The following FAM81B variants were observed in gnomAD, a reference collection of about 807,000 sequenced individuals.
FAM81B encodes family with sequence similarity 81 member B.
FAM81B carries 60 observed loss-of-function variants against 58.7 expected under a neutral mutation model. That is an observed-to-expected ratio of 1.02 (90% CI 0.83 to 1.27). The LOEUF is 1.27. Ranked by LOEUF, FAM81B falls within the 50% of genes most tolerant of loss-of-function variation. FAM81B has a pLI of 0.00. For missense variants in FAM81B, 491 were observed against 522.0 expected, an observed-to-expected ratio of 0.94 and a Z score of 0.58; for synonymous variants, 189 against 179.6, an observed-to-expected ratio of 1.05 and a Z score of -0.42.
intron 7 of FAM81B, 27 bp from the exon 8 acceptor site, chr5:95,446,535 A>T: frequency 6.5e-7 from 1 of 1,532,810 alleles, no homozygotes; most frequent in Non-Finnish European, 8.8e-7. Flanking sequence ...AACTTATTTA[A>T]ATGAAACAAA....
intron 6 of FAM81B, among the ~76,000 whole-genome samples, chr5:95,433,741 TG>T (rs1027114857): frequency 8.5e-5 from 13 of 152,216 alleles, no homozygotes; most frequent in African/African-American, 3.1e-4. Flanking sequence ...AATAACTTAC[TG>T]GTTAAATCTT....
chr5:95,437,766 C>T (rs556934133), intron 7 of FAM81B, among the ~76,000 whole-genome samples: 29 of 152,178 alleles, frequency 1.9e-4, no homozygotes, highest in Admixed American at 1.6e-3. Context: ...ATTATCAAAT[C>T]TCCCTTTTTT....
intron 3 of FAM81B, chr5:95,406,074 A>G (rs920629033): frequency 1.9e-5 from 3 of 154,296 alleles, no homozygotes; most frequent in Non-Finnish European, 4.4e-5. Context: ...AATAGAGAAG[A>G]AGAGCAGACT....
chr5:95,435,906 C>T (rs1224502251), intron 6 of FAM81B, among the ~76,000 whole-genome samples: 1 of 152,176 alleles, frequency 6.6e-6, no homozygotes, highest in Non-Finnish European at 1.5e-5. Flanking sequence ...TAAATAGCCA[C>T]TCAACTGCTG....
rs991530064 is a variant in FAM81B, at chr5:95,408,123, G to A, written c.294-5824G>A. Among the ~76,000 whole-genome samples the A allele has an allele frequency of 2.7e-5, 4 of 149,190 alleles. No homozygotes were observed. The East Asian group carries it at 5.8e-4, about 22-fold the overall frequency. ...GAGAGAGAGAGAGAGGAGGGAAGGA[G>A]GGAGGAAGAGAGAGAAAGAGAAGAA... On this transcript the variant is annotated intron_variant, in intron 3 of 9. Coordinates refer to ENST00000283357, the MANE Select transcript of FAM81B (RefSeq NM_152548.3).
At chr5:95,419,419 T>G (rs1762619815) in intron 4 of FAM81B, among the ~76,000 whole-genome samples, 1 of 152,236 alleles carries the variant, frequency 6.6e-6, no homozygotes, top group Admixed American at 6.5e-5. Flanking sequence ...CTCTCACTTT[T>G]TTTCTTAGTA....
chr5:95,440,311 A>C (rs1745282006), intron 7 of FAM81B: 2 of 987,780 alleles, frequency 2.0e-6, no homozygotes, highest in African/African-American at 1.6e-5. Flanking sequence ...AATGCAACTA[A>C]AAATGCAGAA....
In FAM81B at chr5:95,420,410, G is replaced by A. The variant is rs1762647503; in HGVS notation, c.656+8G>A. Reference sequence around the variant, plus strand: ...TCGAGGAAGAGTAGCCAGGTGAGAAGAAGCATGTTGACTAATGTTTAACAG... The same window carrying A: ...TCGAGGAAGAGTAGCCAGGTGAGAAAAAGCATGTTGACTAATGTTTAACAG... On this transcript the variant is annotated splice_region_variant and intron_variant, in intron 5 of 9. Coordinates refer to ENST00000283357, the MANE Select transcript of FAM81B (RefSeq NM_152548.3). The A allele has an allele frequency of 1.2e-6, 2 of 1,613,408 alleles. No homozygotes were observed. Among genetic ancestry groups the A allele is most frequent in the Non-Finnish European group, 1.7e-6 (2 of 1,179,488 alleles).
chr5:95,413,932 C>T lies in FAM81B; in HGVS notation c.294-15C>T. Reference sequence around the variant, plus strand: ...TTGTAATGCCCTGGTGTTTCCTTTTCCTTTTTCTGATCAGGAGTCATGCTT... The same window carrying T: ...TTGTAATGCCCTGGTGTTTCCTTTTTCTTTTTCTGATCAGGAGTCATGCTT... On this transcript the variant is annotated splice_polypyrimidine_tract_variant and intron_variant, in intron 3 of 9. Coordinates refer to ENST00000283357, the MANE Select transcript of FAM81B (RefSeq NM_152548.3). 1 of 1,603,216 alleles carries T rather than the reference C, an allele frequency of 6.2e-7. No homozygotes were observed. The highest frequency in any genetic ancestry group is 8.5e-7 in the Non-Finnish European group (1 of 1,175,142).
chr5:95,435,609 T>C (rs1475482781), intron 6 of FAM81B, among the ~76,000 whole-genome samples: 1 of 152,214 alleles, frequency 6.6e-6, no homozygotes, highest in Admixed American at 6.5e-5. Flanking sequence ...CATTAATGTA[T>C]TGTCTCTGTT....
At chr5:95,424,567 A>T (rs548093052) in intron 5 of FAM81B, among the ~76,000 whole-genome samples, 1 of 152,330 alleles carries the variant, frequency 6.6e-6, no homozygotes, top group South Asian at 2.1e-4. Context: ...CATAAGGACC[A>T]GGGATACCAG....
intron 7 of FAM81B, among the ~76,000 whole-genome samples, chr5:95,445,471 C>T (rs1484124518): frequency 6.6e-6 from 1 of 152,118 alleles, no homozygotes; most frequent in Non-Finnish European, 1.5e-5. Context: ...TTGGATTCCC[C>T]TCTCTCCTCA....
intron 5 of FAM81B, chr5:95,424,246 G>GA: frequency 7.0e-6 from 9 of 1,281,708 alleles, no homozygotes; most frequent in Non-Finnish European, 9.2e-6. Flanking sequence ...TCATGCATAT[G>GA]AATCACTTCC....
intron 3 of FAM81B, among the ~76,000 whole-genome samples, chr5:95,398,607 G>T (rs1762025908): frequency 6.6e-6 from 1 of 152,080 alleles, no homozygotes; most frequent in Non-Finnish European, 1.5e-5. Context: ...ACCTATATGG[G>T]TATATTTACA....
chr5:95,400,551 C>A (rs1043754881), intron 3 of FAM81B, among the ~76,000 whole-genome samples: 21 of 152,126 alleles, frequency 1.4e-4, no homozygotes, highest in Non-Finnish European at 7.4e-5. Flanking sequence ...ATCTGCAAGA[C>A]CCAATTTCCA....
intron 1 of FAM81B, 148 bp downstream of exon 1, chr5:95,391,661 A>G (rs1030976248): frequency 7.1e-6 from 6 of 839,384 alleles, no homozygotes; most frequent in Non-Finnish European, 8.4e-6. Context: ...ACAAATGTAC[A>G]AGAAAAAAAA....
At chr5:95,427,902 T>C (rs1040068824) in intron 5 of FAM81B, among the ~76,000 whole-genome samples, 12 of 152,166 alleles carry the variant, frequency 7.9e-5, no homozygotes, top group Non-Finnish European at 1.2e-4. Flanking sequence ...TTTCCTAACA[T>C]ACTGGGAAGA....
chr5:95,428,764 T>G (rs746672926), intron 6 of FAM81B, 32 bp downstream of exon 6: 67 of 1,612,854 alleles, frequency 4.2e-5, no homozygotes, highest in Non-Finnish European at 5.2e-5. Flanking sequence ...TCATATTACG[T>G]GTTACTGCCA....
chr5:95,409,033 TA>T (rs1762339145), intron 3 of FAM81B, among the ~76,000 whole-genome samples: 1 of 152,240 alleles, frequency 6.6e-6, no homozygotes, highest in South Asian at 2.1e-4. Flanking sequence ...TTCAAAGACT[TA>T]TCTTTAAAAA....
Sources: allele counts gnomAD v4.1 joint callset (sites outside exome capture counted in the v4.1 genomes callset), GRCh38; gene constraint gnomAD v4.1.1; transcripts MANE v1.5; gene names NCBI Gene and HGNC (gene_info 2026-07-23, HGNC 2026-07-21).